AGO3: variants seen among roughly 807,000 people sequenced by gnomAD.
AGO3 encodes the protein protein argonaute-3.
AGO3 carries 16 observed loss-of-function variants against 105.5 expected under a neutral mutation model. The ratio of observed to expected loss-of-function variants is 0.15; its 90% confidence interval spans 0.10 to 0.23. The LOEUF (loss-of-function observed/expected upper bound fraction) is 0.23, where lower values mean the gene tolerates loss of function less well. Among genes scored for constraint, AGO3 ranks in the 10% least tolerant of loss-of-function variants. The pLI is 1.00. For missense variants in AGO3, 534 were observed against 1,088.0 expected (o/e 0.49, Z 7.16); for synonymous variants, 340 against 367.3 (o/e 0.93, Z 0.85).
At chr1:35,997,794 T>C (rs1465589893) in intron 5 of AGO3, among the ~76,000 whole-genome samples, 1 of 152,118 alleles carries the variant, frequency 6.6e-6, no homozygotes, top group Non-Finnish European at 1.5e-5. Flanking sequence ...CCTCCTGTGT[T>C]CAAGTAATTC....
intron 16 of AGO3, among the ~76,000 whole-genome samples, chr1:36,041,380 T>C (rs1351565229): frequency 6.6e-6 from 1 of 151,526 alleles, no homozygotes; most frequent in East Asian, 2.0e-4. Flanking sequence ...TAGCTGGGAC[T>C]ACAGGCGCCT....
chr1:35,940,209 G>A (rs1646229134), intron 1 of AGO3, among the ~76,000 whole-genome samples: 1 of 152,108 alleles, frequency 6.6e-6, no homozygotes, highest in African/African-American at 2.4e-5. Flanking sequence ...TGGGATTACA[G>A]GCATGCGCCA....
At chr1:36,018,617 G>C (rs192560303) in intron 11 of AGO3, among the ~76,000 whole-genome samples, 242 of 151,746 alleles carry the variant, frequency 1.6e-3, no homozygotes, top group Admixed American at 6.8e-3. Context: ...TATTTTAGTA[G>C]AGATGGGGTT....
intron 4 of AGO3, 105 bp downstream of exon 4, chr1:35,972,337 A>T: frequency 9.4e-6 from 12 of 1,272,020 alleles, no homozygotes; most frequent in Non-Finnish European, 1.3e-5. Context: ...TTGATTGTTC[A>T]ACTGAAATGT....
At position 36,055,915 on chromosome 1, in the gene AGO3, A is replaced by G; in HGVS notation, c.*170A>G. The G allele has an allele frequency of 1.7e-6, 1 of 589,388 alleles. No homozygotes were observed. The highest frequency in any genetic ancestry group is 3.0e-6 in the Non-Finnish European group (1 of 338,590). The allele number at this position is 589,388 out of a possible 1,614,324, so 36.5% of individuals were successfully genotyped here. A position where few individuals can be genotyped will look rare whatever the true frequency, so the allele number is the denominator to read the frequency against. On this transcript the variant is annotated 3_prime_UTR_variant, in exon 19 of 19. Transcript: ENST00000373191. This position sits in a 1 kb window ranked among gnomAD's most constrained non-coding sequence, Gnocchi z 4.4. Reference sequence around the variant, plus strand: ...TAATACAAGGAAGATTGTTTACTTCATCAAGGAACACAGCATCATTATGCA... The same window carrying G: ...TAATACAAGGAAGATTGTTTACTTCGTCAAGGAACACAGCATCATTATGCA...
intron 2 of AGO3, among the ~76,000 whole-genome samples, chr1:35,951,904 C>G (rs1646476226): frequency 6.6e-6 from 1 of 152,052 alleles, no homozygotes; most frequent in African/African-American, 2.4e-5. Flanking sequence ...CCATAAGTCA[C>G]CCATTTTAAA....
chr1:35,970,498 C>A lies in AGO3; in HGVS notation c.313-1526C>A, dbSNP rs140118395. Among the ~76,000 whole-genome samples the A allele has an allele frequency of 8.8e-3, 1,335 of 152,226 alleles. 9 individuals carry two copies. The highest frequency in any genetic ancestry group is 0.017 in the Admixed American group (257 of 15,282). On this transcript the variant is annotated intron_variant, in intron 3 of 18. Transcript: ENST00000373191. The stretch of plus-strand genomic sequence containing the variant: ...ATAAAATAGTTTGTGAGAAAACAAA[C>A]CTACTAATGATTCAAGGCTTTATTT...
At chr1:36,014,151 A>T in intron 11 of AGO3, 103 bp downstream of exon 11, 1 of 1,482,766 alleles carries the variant, frequency 6.7e-7, no homozygotes, top group Non-Finnish European at 9.2e-7. Flanking sequence ...AAGTATATGT[A>T]ATCACTGAAC....
chr1:36,045,100 G>T (rs1190736379), intron 17 of AGO3, among the ~76,000 whole-genome samples: 1 of 152,126 alleles, frequency 6.6e-6, no homozygotes, highest in Admixed American at 6.6e-5. Flanking sequence ...TACAATTAAT[G>T]TTGTACATTT....
chr1:36,043,863 A>G (rs561783748), intron 17 of AGO3, among the ~76,000 whole-genome samples: 1 of 145,682 alleles, frequency 6.9e-6, no homozygotes, highest in East Asian at 2.0e-4. Context: ...ATGCATCTTT[A>G]AAAAAAAAAG....
rs1288805776 is a variant in AGO3 at position 35,931,216 on chromosome 1, T to C, written c.-211T>C. On this transcript the variant is annotated 5_prime_UTR_variant, in exon 1 of 19. Transcript: ENST00000373191. ...TCTGTCCGCGCCTCACATCTCCCCTTCCTCTCGCCTAGTCCTGTGCCGTTT... is the reference window on the plus strand; with the variant it reads ...TCTGTCCGCGCCTCACATCTCCCCTCCCTCTCGCCTAGTCCTGTGCCGTTT... 2.4e-6 allele frequency: 1 copy of C among 410,358 alleles called. No homozygotes were observed. The highest frequency in any genetic ancestry group is 4.3e-6 in the Non-Finnish European group (1 of 230,994). The allele number at this position is 410,358 out of a possible 1,614,324, so 25.4% of individuals were successfully genotyped here. A position where few individuals can be genotyped will look rare whatever the true frequency, so the allele number is the denominator to read the frequency against.
intron 5 of AGO3, among the ~76,000 whole-genome samples, chr1:35,980,034 C>T (rs1251387037): frequency 6.6e-6 from 1 of 152,052 alleles, no homozygotes. Flanking sequence ...GTTGTGTTTT[C>T]TGTGCTTTTT....
At chr1:35,991,425 C>T (rs1424683537) in intron 5 of AGO3, among the ~76,000 whole-genome samples, 1 of 151,868 alleles carries the variant, frequency 6.6e-6, no homozygotes, top group African/African-American at 2.4e-5. Flanking sequence ...TTCTTGAGAT[C>T]ACACTTCACT....
Position 36,041,587 on chromosome 1 carries a change from G to C in AGO3, c.2172+1146G>C, listed in dbSNP as rs543028310. Among the ~76,000 whole-genome samples the C allele has an allele frequency of 7.2e-5, 11 of 152,222 alleles. No individual in the cohort carries two copies. The South Asian group carries it at 2.3e-3, about 32-fold the overall frequency. ...TGTGCAGCAAGACAGCAGTCTTACT[G>C]TCATTTTCAGTGCTCTGATCACATC... On this transcript the variant is annotated intron_variant, in intron 16 of 18. Coordinates refer to ENST00000373191, the MANE Select transcript of AGO3 (RefSeq NM_024852.4).
chr1:35,965,874 G>A (rs1178237277), intron 2 of AGO3, among the ~76,000 whole-genome samples: 1 of 144,236 alleles, frequency 6.9e-6, no homozygotes, highest in Non-Finnish European at 1.5e-5. Context: ...TGCCCAGGCT[G>A]GAGTTCAATG....
At chr1:35,965,887 G>A (rs1156539235) in intron 2 of AGO3, among the ~76,000 whole-genome samples, 7 of 148,256 alleles carry the variant, frequency 4.7e-5, no homozygotes, top group Non-Finnish European at 7.4e-5. Flanking sequence ...GTTCAATGGC[G>A]TGATCTCGGC....
chr1:35,989,133 T>C (rs1557668056), intron 5 of AGO3, among the ~76,000 whole-genome samples: 1 of 152,160 alleles, frequency 6.6e-6, no homozygotes, highest in Non-Finnish European at 1.5e-5. Flanking sequence ...GAGGGATCCA[T>C]TGTAGTCTCA....
At chr1:36,039,714 T>C in intron 14 of AGO3, 76 bp from the exon 15 acceptor site, 1 of 1,036,094 alleles carries the variant, frequency 9.7e-7, no homozygotes, top group Non-Finnish European at 1.3e-6. Flanking sequence ...AATAAAAATG[T>C]AAATGAAATT....
intron 11 of AGO3, among the ~76,000 whole-genome samples, chr1:36,018,653 G>A (rs533599962): frequency 2.0e-5 from 3 of 151,804 alleles, no homozygotes; most frequent in Admixed American, 6.6e-5. Context: ...GGATGGTCTC[G>A]ATCTCCTGAC....
Sources: gnomAD v4.1 joint callset for allele counts (sites outside exome capture counted in the v4.1 genomes callset) on GRCh38, gnomAD v4.1.1 for gene constraint, Gnocchi (gnomAD v3.1) non-coding constraint, MANE v1.5 for transcripts, NCBI Gene and HGNC (gene_info 2026-07-23, HGNC 2026-07-21) for gene names.